The following C12orf54 variants were observed in gnomAD, a reference collection of about 807,000 sequenced individuals.
The protein encoded by C12orf54 is chromosome 12 open reading frame 54.
Under a neutral mutation model 26.4 loss-of-function variants are expected in C12orf54, and 24 were observed. The ratio of observed to expected loss-of-function variants is 0.91; its 90% CI spans 0.66 to 1.28. The LOEUF is 1.28. C12orf54 is among the 50% of genes most tolerant of loss of function. The pLI, the probability that C12orf54 is intolerant of heterozygous loss-of-function variation, is 0.00. For synonymous variants in C12orf54, 54 were observed against 47.0 expected (o/e 1.15, Z -0.61); for missense variants, 154 against 150.9 (o/e 1.02, Z -0.11).
chr12:48,492,733 A>G (rs1204971578), intron 6 of C12orf54, among the ~76,000 whole-genome samples: 2 of 152,220 alleles, frequency 1.3e-5, no homozygotes, highest in East Asian at 3.8e-4. Context: ...ACAGACCTTC[A>G]GTGGCCATGA....
chr12:48,440,228 A>G, the C12orf54 span, among the ~76,000 whole-genome samples: 59 of 152,250 alleles, frequency 3.9e-4, no homozygotes, highest in Admixed American at 3.7e-3. Flanking sequence ...CCATCTCAAA[A>G]AAAAAAAAGA....
the C12orf54 span, among the ~76,000 whole-genome samples, chr12:48,466,590 C>T: frequency 4.6e-5 from 7 of 150,768 alleles, no homozygotes; most frequent in East Asian, 1.4e-3. Context: ...AGATGCTTAA[C>T]ACGATTCGTT....
At chr12:48,437,584 AG>A in the C12orf54 span, among the ~76,000 whole-genome samples, 1 of 152,228 alleles carries the variant, frequency 6.6e-6, no homozygotes, top group Non-Finnish European at 1.5e-5. Context: ...CTCGGATGCA[AG>A]GCTGGTTCAA....
intron 2 of C12orf54, among the ~76,000 whole-genome samples, chr12:48,485,791 A>G (rs4547144): frequency 0.13 from 19,295 of 152,274 alleles, 1,618 homozygotes; most frequent in Non-Finnish European, 0.2. Context: ...AAAAGGAAGC[A>G]GTTTGCTAAT....
At chr12:48,450,352 T>G in the C12orf54 span, among the ~76,000 whole-genome samples, 12 of 152,268 alleles carry the variant, frequency 7.9e-5, no homozygotes, top group East Asian at 1.5e-3. Flanking sequence ...GAGGGAAATG[T>G]ATAACACTGA....
At chr12:48,429,368 G>A in the C12orf54 span, among the ~76,000 whole-genome samples, 17 of 151,814 alleles carry the variant, frequency 1.1e-4, no homozygotes, top group Non-Finnish European at 2.4e-4. Flanking sequence ...AGTAAAGAGG[G>A]AGCCAAACTG....
chr12:48,438,918 A>G, the C12orf54 span, among the ~76,000 whole-genome samples: 1 of 152,090 alleles, frequency 6.6e-6, no homozygotes, highest in Admixed American at 6.5e-5. Flanking sequence ...ATCTAATTAA[A>G]CTAAAGAGCT....
intron 8 of C12orf54, chr12:48,495,500 T>A (rs563411791): frequency 6.5e-6 from 1 of 152,876 alleles, no homozygotes; most frequent in Non-Finnish European, 1.5e-5. Context: ...CCAAAGGCAC[T>A]GTTTAAGTGA....
chr12:48,431,205 G>A, the C12orf54 span, among the ~76,000 whole-genome samples: 1 of 152,070 alleles, frequency 6.6e-6, no homozygotes, highest in Non-Finnish European at 1.5e-5. Flanking sequence ...GTACTGCTCA[G>A]GTGATGGGTA....
the C12orf54 span, among the ~76,000 whole-genome samples, chr12:48,472,336 C>T: frequency 7.9e-5 from 12 of 151,978 alleles, no homozygotes; most frequent in African/African-American, 1.9e-4. Flanking sequence ...GACAACAGTC[C>T]GTGAGATATA....
chr12:48,486,493 G>A (rs900572610), intron 3 of C12orf54, 195 bp from the exon 4 acceptor site: 4 of 645,288 alleles, frequency 6.2e-6, no homozygotes, highest in South Asian at 1.9e-5. Context: ...TAGATCCAGA[G>A]CGAAGCAGGA....
chr12:48,454,722 C>T, the C12orf54 span, among the ~76,000 whole-genome samples: 2 of 152,148 alleles, frequency 1.3e-5, no homozygotes, highest in Non-Finnish European at 2.9e-5. Flanking sequence ...TTCTTTGTAA[C>T]ATAAATTCCA....
intron 2 of C12orf54, 53 bp from the exon 3 acceptor site, chr12:48,486,125 T>G (rs4620769): frequency 6.5e-7 from 1 of 1,530,998 alleles, no homozygotes; most frequent in Non-Finnish European, 9.1e-7. Flanking sequence ...AGGAGAAGGC[T>G]TTAGCCCACA....
the C12orf54 span, among the ~76,000 whole-genome samples, chr12:48,414,974 T>C: frequency 6.6e-6 from 1 of 152,200 alleles, no homozygotes; most frequent in African/African-American, 2.4e-5. Context: ...CTAAGGAGCA[T>C]AAAAGATCAC....
chr12:48,450,332 G>A, the C12orf54 span, among the ~76,000 whole-genome samples: 1 of 152,120 alleles, frequency 6.6e-6, no homozygotes, highest in Non-Finnish European at 1.5e-5. Context: ...TGCAGCTAAA[G>A]CAGTGTTAAG....
chr12:48,437,979 G>T, the C12orf54 span, among the ~76,000 whole-genome samples: 17 of 152,208 alleles, frequency 1.1e-4, no homozygotes, highest in Admixed American at 9.8e-4. Context: ...GTTTGCAGAT[G>T]ATATGATTGT....
chr12:48,418,307 A>G, the C12orf54 span, among the ~76,000 whole-genome samples: 1 of 152,228 alleles, frequency 6.6e-6, no homozygotes. Context: ...ATAAACGGCA[A>G]GGTAAGTCAT....
chr12:48,458,049 C>A, the C12orf54 span, among the ~76,000 whole-genome samples: 4 of 152,226 alleles, frequency 2.6e-5, no homozygotes, highest in Non-Finnish European at 5.9e-5. Context: ...GTGGCCTGTG[C>A]TTTACTTCCC....
At chr12:48,422,286 T>A in the C12orf54 span, among the ~76,000 whole-genome samples, 3 of 152,186 alleles carry the variant, frequency 2.0e-5, no homozygotes, top group African/African-American at 7.2e-5. Flanking sequence ...CTTCTAGACA[T>A]CTGTCTCCAT....
Sources: gnomAD v4.1 joint callset for allele counts (sites outside exome capture counted in the v4.1 genomes callset) on GRCh38, gnomAD v4.1.1 for gene constraint, MANE v1.5 for transcripts, NCBI Gene and HGNC (gene_info 2026-07-23, HGNC 2026-07-21) for gene names.